ZGRF1: variants seen among roughly 807,000 people sequenced by gnomAD.
ZGRF1 encodes the protein 5'-3' DNA helicase ZGRF1.
ZGRF1 carries 196 observed loss-of-function variants against 203.5 expected under a neutral mutation model. The observed-to-expected ratio is 0.96, with a 90% CI of 0.86 to 1.08. ZGRF1 has a LOEUF of 1.08. Among genes scored for constraint, ZGRF1 ranks in the 50% least tolerant of loss-of-function variants. The pLI is 0.00. For missense variants in ZGRF1, 2,326 were observed against 2,416.3 expected (o/e 0.96, Z 0.78); for synonymous variants, 809 against 841.3 (o/e 0.96, Z 0.66).
chr4:112,554,793 G>A lies in ZGRF1; in HGVS notation c.5121-11C>T, dbSNP rs1410966281. On this transcript the variant is annotated splice_polypyrimidine_tract_variant and intron_variant, in intron 20 of 27. Transcript: ENST00000505019. The stretch of plus-strand genomic sequence containing the variant: ...CCAAGACTGAGAAGCCTTTAAATAA[G>A]AAAACAATATAGATTCTGATTATTT... 2 of 1,402,150 alleles carry A rather than the reference G, an allele frequency of 1.4e-6. No homozygotes were observed. The highest frequency in any genetic ancestry group is 2.0e-6 in the Non-Finnish European group (2 of 1,014,140). The allele number at this position is 1,402,150 out of a possible 1,614,324, so 86.9% of individuals were successfully genotyped here. A position where few individuals can be genotyped will look rare whatever the true frequency, so the allele number is the denominator to read the frequency against.
In ZGRF1 at chr4:112,618,539, G is replaced by A; in HGVS notation, c.1503C>T (p.Asp501=). Reference sequence around the variant, plus strand: ...TATCCATTTTACTTTCAGAAATCATGTCTGTAATGTCATCAGAGATCCTAG... The same window carrying A: ...TATCCATTTTACTTTCAGAAATCATATCTGTAATGTCATCAGAGATCCTAG... The part of the protein sequence containing the change: ...NNSRISDDIT[D]MISESKMDNE... Residue 501 remains aspartate, a synonymous_variant, in exon 6 of 28, where the codon GAC becomes GAT. Coordinates refer to ENST00000505019, the MANE Select transcript of ZGRF1 (RefSeq NM_018392.5). 2 of 1,613,196 alleles carry A rather than the reference G, an allele frequency of 1.2e-6. No homozygotes were observed. The highest frequency in any genetic ancestry group is 1.7e-6 in the Non-Finnish European group (2 of 1,179,536).
chr4:112,567,723 C>T (rs969658617), intron 16 of ZGRF1, among the ~76,000 whole-genome samples: 3 of 152,068 alleles, frequency 2.0e-5, no homozygotes, highest in Non-Finnish European at 2.9e-5. Context: ...CCCACGAGTT[C>T]GAGATGTGCC....
In ZGRF1 at chr4:112,548,381, C is replaced by A; in HGVS notation, c.5347-1G>T. 6.5e-7 allele frequency: 1 copy of A among 1,545,826 alleles called. No individual in the cohort carries two copies. The highest frequency in any genetic ancestry group is 8.7e-7 in the Non-Finnish European group (1 of 1,144,158). On this transcript the variant is annotated splice_acceptor_variant, in intron 22 of 27. Coordinates refer to ENST00000505019, the MANE Select transcript of ZGRF1 (RefSeq NM_018392.5). LOFTEE classifies it high-confidence loss of function. The stretch of plus-strand genomic sequence containing the variant: ...CACAGGTAACTCCAACTACTCGAAC[C>A]TTTATTACAACAAAAATGTTATTAA...
rs1276614789 is a variant in ZGRF1 at position 112,618,519 on chromosome 4, A to C, written c.1523T>G (p.Met508Arg). 6.2e-7 allele frequency: 1 copy of C among 1,613,068 alleles called. No homozygotes were observed. The change falls in exon 6 of 28, where the codon ATG (methionine) becomes AGG (arginine). Residue 508 changes from methionine to arginine, a missense_variant. Met to Arg is a moderately conservative substitution (Grantham distance 91). Coordinates refer to ENST00000505019, the MANE Select transcript of ZGRF1 (RefSeq NM_018392.5). Reference protein sequence around the residue: ...DITDMISESKMDNESLNSIHE... With the variant: ...DITDMISESKRDNESLNSIHE... ...AATACTATTAAGACTTTCATTATCCATTTTACTTTCAGAAATCATGTCTGT... is the reference window on the plus strand; with the variant it reads ...AATACTATTAAGACTTTCATTATCCCTTTTACTTTCAGAAATCATGTCTGT...
At chr4:112,568,183 G>A (rs1045882759) in intron 16 of ZGRF1, among the ~76,000 whole-genome samples, 2 of 151,676 alleles carry the variant, frequency 1.3e-5, no homozygotes, top group Admixed American at 6.6e-5. Context: ...AGAAAGGAGG[G>A]AAAGAATAAA....
At chr4:112,596,529 T>C (rs756049098) in intron 10 of ZGRF1, among the ~76,000 whole-genome samples, 2 of 152,088 alleles carry the variant, frequency 1.3e-5, no homozygotes, top group Non-Finnish European at 2.9e-5. Context: ...AAAGACCCAC[T>C]GAGTACAGTG....
At position 112,576,715 on chromosome 4, in the gene ZGRF1, A is replaced by T. The variant is rs577489475; in HGVS notation, c.4438+4948T>A. The stretch of plus-strand genomic sequence containing the variant: ...CAAATGAATGAAATGAAGCAAGAAG[A>T]GAAGTTTATGGAAAAAAGAATAAAA... On this transcript the variant is annotated intron_variant, in intron 16 of 27. Coordinates refer to ENST00000505019, the MANE Select transcript of ZGRF1 (RefSeq NM_018392.5). 2.0e-5 allele frequency among the ~76,000 whole-genome samples: 3 copies of T among 152,298 alleles called. No individual in the cohort carries two copies. The South Asian group carries it at 6.2e-4, about 32-fold the overall frequency.
intron 16 of ZGRF1, among the ~76,000 whole-genome samples, chr4:112,568,811 C>T (rs1465305430): frequency 2.6e-5 from 4 of 151,024 alleles, no homozygotes; most frequent in African/African-American, 4.9e-5. Flanking sequence ...GTCAAGAGAT[C>T]GAGACCATCC....
At position 112,563,244 on chromosome 4, in the gene ZGRF1, T is replaced by C; in HGVS notation, c.4469A>G (p.Asp1490Gly). ...NDLWVVSKTL[D>G]FELDTFIACS... ...TGCGATAAAAGTATCCAGCTCAAAG[T>C]CTAGGGTTTTTGAAACCACCCAAAG... The change falls in exon 17 of 28, where the codon GAC becomes GGC. Residue 1490 changes from aspartate to glycine, a missense_variant. Coordinates refer to ENST00000505019, the MANE Select transcript of ZGRF1 (RefSeq NM_018392.5). The C allele has an allele frequency of 6.4e-7, 1 of 1,551,208 alleles. No homozygotes were observed. Among genetic ancestry groups the C allele is most frequent in the Non-Finnish European group, 8.7e-7 (1 of 1,146,776 alleles).
chr4:112,584,622 A>G (rs1746854617), intron 14 of ZGRF1, among the ~76,000 whole-genome samples: 1 of 152,220 alleles, frequency 6.6e-6, no homozygotes, highest in Non-Finnish European at 1.5e-5. Flanking sequence ...GTACCCAACA[A>G]CATAGTACGA....
intron 24 of ZGRF1, among the ~76,000 whole-genome samples, chr4:112,545,510 G>A (rs1465638454): frequency 6.6e-6 from 1 of 152,172 alleles, no homozygotes; most frequent in Non-Finnish European, 1.5e-5. Flanking sequence ...GGAGAAATCA[G>A]AACACTTGTG....
intron 16 of ZGRF1, among the ~76,000 whole-genome samples, chr4:112,567,383 T>A (rs1364933917): frequency 6.6e-6 from 1 of 150,712 alleles, no homozygotes; most frequent in African/African-American, 2.4e-5. Flanking sequence ...GACTATAGAA[T>A]CATATAGAAA....
chr4:112,633,357 A>C, intron 1 of ZGRF1, 115 bp from the exon 2 acceptor site: 2 of 588,838 alleles, frequency 3.4e-6, no homozygotes, highest in Non-Finnish European at 6.0e-6. Context: ...AAGATTACCT[A>C]ACTACCAAGG....
chr4:112,624,430 C>CT (rs2047162522), intron 3 of ZGRF1, among the ~76,000 whole-genome samples: 1 of 151,412 alleles, frequency 6.6e-6, no homozygotes, highest in Non-Finnish European at 1.5e-5. Context: ...GCATTCCAGC[C>CT]TAGGCAACAG....
intron 6 of ZGRF1, among the ~76,000 whole-genome samples, chr4:112,616,793 C>T (rs1428404862): frequency 2.7e-5 from 4 of 150,518 alleles, no homozygotes; most frequent in South Asian, 4.2e-4. Context: ...GCCGAGATCG[C>T]GCCACTGCAC....
At chr4:112,563,442 T>A (rs1345381840) in intron 16 of ZGRF1, among the ~76,000 whole-genome samples, 168 bp from the exon 17 acceptor site, 1 of 152,184 alleles carries the variant, frequency 6.6e-6, no homozygotes, top group Non-Finnish European at 1.5e-5. Context: ...ACTATCAACC[T>A]AAAGGTTGGG....
At chr4:112,623,672 A>C in intron 4 of ZGRF1, 145 bp downstream of exon 4, 1 of 569,754 alleles carries the variant, frequency 1.8e-6, no homozygotes, top group Non-Finnish European at 3.1e-6. Context: ...CAATATCTAA[A>C]AGGTTTTAGC....
chr4:112,564,897 C>T (rs894649163), intron 16 of ZGRF1: 9 of 652,958 alleles, frequency 1.4e-5, no homozygotes, highest in South Asian at 9.0e-5. Flanking sequence ...GCCGCCACCG[C>T]GCCGCCGTCG....
intron 3 of ZGRF1, among the ~76,000 whole-genome samples, chr4:112,631,716 T>G (rs2047416037): frequency 6.6e-6 from 1 of 152,198 alleles, no homozygotes; most frequent in Admixed American, 6.5e-5. Flanking sequence ...ACTGTGCTAC[T>G]GGATAACAGA....
Sources: gnomAD v4.1 joint callset for allele counts (sites outside exome capture counted in the v4.1 genomes callset) on GRCh38, gnomAD v4.1.1 for gene constraint, MANE v1.5 for transcripts, NCBI Gene and HGNC (gene_info 2026-07-23, HGNC 2026-07-21) for gene names.